CELF2: variants seen among roughly 807,000 people sequenced by gnomAD.
The protein encoded by CELF2 is CUG triplet repeat RNA-binding protein 2.
In CELF2, 8 loss-of-function variants were observed where a neutral mutation model predicts 62.6. The ratio of observed to expected loss-of-function variants is 0.13; its 90% CI spans 0.07 to 0.23. The LOEUF is 0.23. Among genes scored for constraint, CELF2 ranks in the 10% least tolerant of loss-of-function variants. The pLI, the probability that CELF2 is intolerant of heterozygous loss-of-function variation, is 1.00. For synonymous variants in CELF2, 258 were observed against 250.0 expected, an observed-to-expected ratio of 1.03 and a Z score of -0.30; for missense variants, 333 against 671.0, an observed-to-expected ratio of 0.50 and a Z score of 5.56.
At chr10:11,155,051 A>G (rs2064051545) in intron 1 of CELF2, among the ~76,000 whole-genome samples, 1 of 152,238 alleles carries the variant, frequency 6.6e-6, no homozygotes, top group African/African-American at 2.4e-5. Flanking sequence ...GTAACATCTC[A>G]GCTCATCCCT....
the CELF2 span, among the ~76,000 whole-genome samples, chr10:10,501,652 C>T: frequency 6.6e-6 from 1 of 152,042 alleles, no homozygotes; most frequent in African/African-American, 2.4e-5. Context: ...TTGTATCCTG[C>T]AACTTTGCTG....
At chr10:10,574,422 A>C in the CELF2 span, among the ~76,000 whole-genome samples, 2 of 152,182 alleles carry the variant, frequency 1.3e-5, no homozygotes. Flanking sequence ...TTAAGGAAAA[A>C]AGCGAAGAAT....
chr10:10,521,362 A>G, the CELF2 span, among the ~76,000 whole-genome samples: 1 of 152,144 alleles, frequency 6.6e-6, no homozygotes, highest in Non-Finnish European at 1.5e-5. Context: ...GAGCCTCCAA[A>G]ATGCCTGGGA....
chr10:10,754,717 T>C, the CELF2 span, among the ~76,000 whole-genome samples: 2 of 152,238 alleles, frequency 1.3e-5, no homozygotes, highest in East Asian at 3.8e-4. Flanking sequence ...AAAATACTGA[T>C]AACTTGACTC....
At chr10:11,047,217 A>G (rs928935278) in intron 1 of CELF2, among the ~76,000 whole-genome samples, 7 of 152,144 alleles carry the variant, frequency 4.6e-5, no homozygotes, top group African/African-American at 1.7e-4. Flanking sequence ...AGACCTGTAA[A>G]TATCTTTTCC....
At chr10:11,252,811 G>C (rs1043942792) in intron 4 of CELF2, among the ~76,000 whole-genome samples, 4 of 152,142 alleles carry the variant, frequency 2.6e-5, no homozygotes, top group Non-Finnish European at 4.4e-5. Context: ...AAACTGCTGG[G>C]GCTGCTAAGA....
At chr10:10,986,878 A>G (rs1457726724) in intron 2 of CELF2, among the ~76,000 whole-genome samples, 2 of 152,222 alleles carry the variant, frequency 1.3e-5, no homozygotes, top group Non-Finnish European at 2.9e-5. Context: ...ACTATATCAA[A>G]GGAGGGAAGA....
intron 1 of CELF2, among the ~76,000 whole-genome samples, chr10:11,006,282 T>C (rs1457485962): frequency 6.6e-6 from 1 of 152,218 alleles, no homozygotes; most frequent in African/African-American, 2.4e-5. Flanking sequence ...TTATCTCCTA[T>C]AATCTTGTTT....
Position 11,211,582 on chromosome 10 carries a change from TGTGA to T in CELF2, c.272-5840_272-5837del, listed in dbSNP as rs1373702436. 6.6e-6 allele frequency among the ~76,000 whole-genome samples: 1 copy of T among 152,186 alleles called. No individual in the cohort carries two copies. Among genetic ancestry groups the T allele is most frequent in the Non-Finnish European group, 1.5e-5 (1 of 68,022 alleles). ...TATATATCAGTACATTTTTTTTTCC[TGTGA>T]GTATTATTACCCAGAGTTTCCAAGT... On this transcript the variant is annotated intron_variant, in intron 2 of 12. Transcript: ENST00000633077. This position sits in a 1 kb window ranked among gnomAD's most constrained non-coding sequence, Gnocchi z 4.8.
intron 1 of CELF2, among the ~76,000 whole-genome samples, chr10:11,104,880 C>CTT (rs1194519689): frequency 2.6e-5 from 4 of 152,152 alleles, no homozygotes; most frequent in African/African-American, 9.7e-5. Context: ...AGTTTGGCTC[C>CTT]ATATAGCATG....
Position 11,257,835 on chromosome 10 carries a change from A to G in CELF2, c.501A>G (p.Glu167=), listed in dbSNP as rs760354745. ...VMFSPFGQIE[E]CRILRGPDGL... ...TCTCTCCATTTGGCCAGATAGAAGA[A>G]TGCCGGATCCTCCGGGGACCTGATG... is the stretch of plus-strand genomic sequence containing the variant. The change falls in exon 5 of 13, where the codon GAA becomes GAG. Residue 167 remains glutamate (E), a synonymous_variant. Coordinates refer to ENST00000633077, the MANE Select transcript of CELF2 (RefSeq NM_001326342.2). The G allele has an allele frequency of 1.3e-5, 21 of 1,614,238 alleles. No individual in the cohort carries two copies. The South Asian group carries it at 1.6e-4, about 13-fold the overall frequency.
At chr10:11,104,175 A>T (rs978079735) in intron 1 of CELF2, among the ~76,000 whole-genome samples, 2 of 152,204 alleles carry the variant, frequency 1.3e-5, no homozygotes, top group Non-Finnish European at 2.9e-5. Context: ...TATTTGGAGG[A>T]AGGTAATTTT....
the CELF2 span, among the ~76,000 whole-genome samples, chr10:10,484,478 A>G: frequency 6.7e-6 from 1 of 148,238 alleles, no homozygotes; most frequent in Non-Finnish European, 1.5e-5. Context: ...CACCATGCCC[A>G]GCTAATTTTT....
At chr10:11,179,281 TA>T (rs10718541) in intron 2 of CELF2, among the ~76,000 whole-genome samples, 52,992 of 149,232 alleles carry the variant, frequency 0.36, 10,310 homozygotes, top group East Asian at 0.8. Flanking sequence ...ACTGTACTGT[TA>T]AAAAAAAAAA....
chr10:11,000,269 A>G (rs987970086), intron 2 of CELF2, among the ~76,000 whole-genome samples: 2 of 151,310 alleles, frequency 1.3e-5, no homozygotes, highest in Admixed American at 1.3e-4. Flanking sequence ...CTTTACCTAC[A>G]CAGACATAGT....
At chr10:10,485,481 A>G in the CELF2 span, among the ~76,000 whole-genome samples, 1 of 152,260 alleles carries the variant, frequency 6.6e-6, no homozygotes, top group Non-Finnish European at 1.5e-5. Flanking sequence ...AGTGTGAACA[A>G]TCAGACAAAT....
the CELF2 span, among the ~76,000 whole-genome samples, chr10:10,751,808 G>A: frequency 5.9e-5 from 9 of 152,166 alleles, no homozygotes; most frequent in Non-Finnish European, 1.0e-4. Context: ...GAAATACATC[G>A]TATTTCCAAT....
intron 4 of CELF2, among the ~76,000 whole-genome samples, chr10:11,252,640 G>A (rs752027103): frequency 2.9e-4 from 44 of 152,272 alleles, no homozygotes; most frequent in East Asian, 1.5e-3. Flanking sequence ...CAGACTTCCC[G>A]AGTCTCCATG....
chr10:10,681,432 C>T, the CELF2 span, among the ~76,000 whole-genome samples: 40,547 of 151,834 alleles, frequency 0.27, 5,595 homozygotes, highest in South Asian at 0.47. Flanking sequence ...TGTAAATATT[C>T]TAGGATATGC....
Sources: gnomAD v4.1 joint callset for allele counts (sites outside exome capture counted in the v4.1 genomes callset) on GRCh38, gnomAD v4.1.1 for gene constraint, Gnocchi (gnomAD v3.1) non-coding constraint, MANE v1.5 for transcripts, NCBI Gene and HGNC (gene_info 2026-07-23, HGNC 2026-07-21) for gene names.